The following DLGAP4 variants were observed in gnomAD, a reference collection of about 807,000 sequenced individuals.
DLGAP4 encodes DLG associated protein 4.
Under a neutral mutation model 86.9 loss-of-function variants are expected in DLGAP4, and 18 were observed. That is an observed-to-expected ratio of 0.21 (90% CI 0.14 to 0.31). DLGAP4 has a LOEUF of 0.31. DLGAP4 is among the 10% of genes least tolerant of loss of function. The pLI is 1.00. For missense variants in DLGAP4, 1,085 were observed against 1,362.6 expected, an observed-to-expected ratio of 0.80 and a Z score of 3.21; for synonymous variants, 548 against 574.3, an observed-to-expected ratio of 0.95 and a Z score of 0.65.
At chr20:36,512,824 G>A (rs1041818966) in intron 10 of DLGAP4, 6 of 151,780 alleles carry the variant, frequency 4.0e-5, no homozygotes, top group Admixed American at 1.3e-4. Flanking sequence ...CTTGACATGC[G>A]CAAGGCTGAG....
rs918254721 is a variant in DLGAP4 at position 36,461,852 on chromosome 20, C to G, written c.1648+14915C>G. On this transcript the variant is annotated intron_variant, in intron 7 of 12. Coordinates refer to ENST00000339266, the MANE Select transcript of DLGAP4 (RefSeq NM_001365621.2). ...TTTGTCTCTCCCCGGCTCGCTGTCT[C>G]TTTGTCTCTGCCCTCGCGCTCCTCC... 3 of 984,008 alleles carry G rather than the reference C, an allele frequency of 3.0e-6. No homozygotes were observed. The African/African-American group carries it at 5.3e-5, about 17-fold the overall frequency. The allele number at this position is 984,008 out of a possible 1,614,324, so 61.0% of individuals were successfully genotyped here. A position where few individuals can be genotyped will look rare whatever the true frequency, so the allele number is the denominator to read the frequency against.
intron 2 of DLGAP4, among the ~76,000 whole-genome samples, chr20:36,424,364 A>G (rs934912506): frequency 1.3e-5 from 2 of 152,156 alleles, no homozygotes; most frequent in African/African-American, 4.8e-5. Flanking sequence ...GAAGGAGCAT[A>G]AGGACAGACT....
intron 2 of DLGAP4, among the ~76,000 whole-genome samples, chr20:36,399,579 G>A (rs2085272024): frequency 6.6e-6 from 1 of 152,236 alleles, no homozygotes; most frequent in South Asian, 2.1e-4. Context: ...CTGGGGAGGG[G>A]CAGGGAAGCC....
chr20:36,493,314 G>C (rs1273725849), intron 7 of DLGAP4: 1 of 152,360 alleles, frequency 6.6e-6, no homozygotes, highest in East Asian at 1.9e-4. Context: ...TCAGTGGAGA[G>C]GGCATTCGCA....
At chr20:36,384,512 G>A (rs940971604) in intron 2 of DLGAP4, among the ~76,000 whole-genome samples, 1 of 152,150 alleles carries the variant, frequency 6.6e-6, no homozygotes, top group Non-Finnish European at 1.5e-5. Flanking sequence ...CATGTTAAAG[G>A]TGAGCAAACT....
chr20:36,332,822 G>T (rs1276698333), intron 1 of DLGAP4, among the ~76,000 whole-genome samples: 1 of 151,604 alleles, frequency 6.6e-6, no homozygotes, highest in Admixed American at 6.6e-5. Flanking sequence ...CCCCCCACCA[G>T]TCAAGGCCCC....
Position 36,446,933 on chromosome 20 carries a change from T to C in DLGAP4, c.1644T>C (p.Leu548=). Residue 548 remains leucine (L), a synonymous_variant, in exon 7 of 13, where the codon CTT becomes CTC. Transcript: ENST00000339266. ...GCAGCCTCAGCAATAGTCGCACGCT[T>C]CCGAGTGAGTACTGTGATGAGGGAA... ...STGSLSNSRT[L]PSSSCLVAYK... is the part of the protein sequence containing the mutation. 2 of 1,607,948 alleles carry C rather than the reference T, an allele frequency of 1.2e-6. No individual in the cohort carries two copies. Among genetic ancestry groups the C allele is most frequent in the Non-Finnish European group, 1.7e-6 (2 of 1,175,658 alleles).
At position 36,442,744 on chromosome 20, in the gene DLGAP4, C is replaced by A. The variant is rs892867526; in HGVS notation, c.1374C>A (p.Ser458=). 2 of 1,614,068 alleles carry A rather than the reference C, an allele frequency of 1.2e-6. No homozygotes were observed. The highest frequency in any genetic ancestry group is 1.7e-6 in the Non-Finnish European group (2 of 1,180,044). The part of the protein sequence containing the change: ...SCISQIFGQA[S]LIPQLFGHEQ... ...TCCTGCAGATTTTTGGACAGGCCTC[C>A]CTGATCCCCCAGTTGTTTGGCCATG... is the stretch of plus-strand genomic sequence containing the variant. Residue 458 remains serine, a synonymous_variant, in exon 6 of 13, where the codon TCC becomes TCA. Coordinates refer to ENST00000339266, the MANE Select transcript of DLGAP4 (RefSeq NM_001365621.2).
At chr20:36,331,812 G>A (rs2065271186) in intron 1 of DLGAP4, among the ~76,000 whole-genome samples, 3 of 152,170 alleles carry the variant, frequency 2.0e-5, no homozygotes, top group Admixed American at 2.0e-4. Context: ...TGCTGGGGTG[G>A]TCAGGGAGGG....
At position 36,432,784 on chromosome 20, in the gene DLGAP4, C is replaced by A; in HGVS notation, c.999+68C>A. On this transcript the variant is annotated intron_variant, in intron 3 of 12. Coordinates refer to ENST00000339266, the MANE Select transcript of DLGAP4 (RefSeq NM_001365621.2). The surrounding 1 kb of genome is among the most constrained non-coding windows in gnomAD (Gnocchi z 6.5). ...GACGGCACCAGTTTTGAGGCCTAGA[C>A]GTACCACAGATTCACTTGGAAAGTC... The A allele has an allele frequency of 1.3e-6, 2 of 1,554,678 alleles. No individual in the cohort carries two copies. The highest frequency in any genetic ancestry group is 1.7e-6 in the Non-Finnish European group (2 of 1,144,476).
At chr20:36,327,337 G>T (rs1555891070) in intron 1 of DLGAP4, among the ~76,000 whole-genome samples, 1 of 151,942 alleles carries the variant, frequency 6.6e-6, no homozygotes, top group Admixed American at 6.6e-5. Context: ...GAATGCTTTG[G>T]TTATGATTTA....
At chr20:36,436,021 G>T (rs1173674989) in intron 3 of DLGAP4, 88 bp from the exon 4 acceptor site, 3 of 1,444,426 alleles carry the variant, frequency 2.1e-6, no homozygotes, top group African/African-American at 1.4e-5. Context: ...TGCAGGGAAC[G>T]AGGGAGCTTC....
chr20:36,511,358 A>G (rs2147813544), intron 10 of DLGAP4, among the ~76,000 whole-genome samples: 1 of 152,142 alleles, frequency 6.6e-6, no homozygotes, highest in African/African-American at 2.4e-5. Flanking sequence ...GTGTACCACC[A>G]TGCTCAGCTA....
intron 2 of DLGAP4, among the ~76,000 whole-genome samples, chr20:36,417,133 C>T (rs2032678491): frequency 6.6e-6 from 1 of 152,062 alleles, no homozygotes; most frequent in Non-Finnish European, 1.5e-5. Flanking sequence ...TGAGAGAACG[C>T]AGTGGGAGGG....
At chr20:36,338,759 A>G (rs1413748257) in intron 1 of DLGAP4, among the ~76,000 whole-genome samples, 3 of 152,258 alleles carry the variant, frequency 2.0e-5, no homozygotes, top group Non-Finnish European at 4.4e-5. Context: ...CGTGCCACAC[A>G]GTGAAAGGTC....
Position 36,474,269 on chromosome 20 carries a change from C to T in DLGAP4, c.1649-22436C>T, listed in dbSNP as rs761300658. Among the ~76,000 whole-genome samples the T allele has an allele frequency of 1.4e-4, 21 of 152,110 alleles. 1 individual carries two copies. Among genetic ancestry groups the T allele is most frequent in the Non-Finnish European group, 2.8e-4 (19 of 68,032 alleles). ...TTATTTGATGGCTGTTTGCCAAGTG[C>T]AGGGCTCTTATGGGGAAAGGTGGCC... On this transcript the variant is annotated intron_variant, in intron 7 of 12. Transcript: ENST00000339266.
Position 36,527,164 on chromosome 20 carries a change from C to A in DLGAP4, c.*133C>A. 1.1e-6 allele frequency: 1 copy of A among 937,000 alleles called. No individual in the cohort carries two copies. The highest frequency in any genetic ancestry group is 1.5e-6 in the Non-Finnish European group (1 of 660,716). The allele number at this position is 937,000 out of a possible 1,614,324, so 58.0% of individuals were successfully genotyped here. A position where few individuals can be genotyped will look rare whatever the true frequency, so the allele number is the denominator to read the frequency against. ...CCCTGAGCCAACTTTCAAATTGACG[C>A]ATACAAGGGCTCACAATTTGGCTTT... is the stretch of plus-strand genomic sequence containing the variant. On this transcript the variant is annotated 3_prime_UTR_variant, in exon 13 of 13. Coordinates refer to ENST00000339266, the MANE Select transcript of DLGAP4 (RefSeq NM_001365621.2).
chr20:36,514,080 A>G (rs990342065), intron 10 of DLGAP4, among the ~76,000 whole-genome samples: 7 of 152,190 alleles, frequency 4.6e-5, no homozygotes, highest in Non-Finnish European at 1.0e-4. Context: ...CAGAGACATG[A>G]ACACTTAGCG....
chr20:36,364,893 G>A (rs1044357615), intron 1 of DLGAP4, among the ~76,000 whole-genome samples: 12 of 152,052 alleles, frequency 7.9e-5, no homozygotes, highest in East Asian at 1.9e-4. Flanking sequence ...CCAGGAGTTC[G>A]AGACTAGCCT....
Sources: allele counts gnomAD v4.1 joint callset (sites outside exome capture counted in the v4.1 genomes callset), GRCh38; gene constraint gnomAD v4.1.1; non-coding constraint Gnocchi (gnomAD v3.1); transcripts MANE v1.5; gene names NCBI Gene and HGNC (gene_info 2026-07-23, HGNC 2026-07-21).